Variants in BCKDHB observed in about 807,000 individuals in gnomAD.
BCKDHB encodes the protein branched chain keto acid dehydrogenase E1 subunit beta.
BCKDHB carries 41 observed loss-of-function variants against 48.5 expected under a neutral mutation model. The observed-to-expected ratio is 0.85, with a 90% CI of 0.66 to 1.10. BCKDHB has a LOEUF of 1.10. Among genes scored for constraint, BCKDHB ranks in the 50% least tolerant of loss-of-function variants. The pLI is 0.00. For missense variants in BCKDHB, 496 were observed against 494.2 expected (o/e 1.00, Z -0.03); for synonymous variants, 201 against 174.8 (o/e 1.15, Z -1.18).
chr6:80,392,112 C>T, the BCKDHB span, among the ~76,000 whole-genome samples: 1 of 152,118 alleles, frequency 6.6e-6, no homozygotes, highest in East Asian at 1.9e-4. Flanking sequence ...CCTGCCTCAG[C>T]CTCCTGGGTA....
At chr6:80,229,191 G>A (rs1360021429) in intron 8 of BCKDHB, among the ~76,000 whole-genome samples, 1 of 152,156 alleles carries the variant, frequency 6.6e-6, no homozygotes, top group East Asian at 1.9e-4. Context: ...ACTATTGCAG[G>A]AGGCAATCAG....
the BCKDHB span, among the ~76,000 whole-genome samples, chr6:80,422,580 C>G: frequency 1.3e-5 from 2 of 152,198 alleles, no homozygotes; most frequent in African/African-American, 4.8e-5. Context: ...TCTGTGGGGT[C>G]TGCAGAGACA....
chr6:80,181,023 C>G (rs987022450), intron 6 of BCKDHB, among the ~76,000 whole-genome samples: 22 of 152,060 alleles, frequency 1.4e-4, no homozygotes, highest in African/African-American at 5.3e-4. Flanking sequence ...TCACCAAATC[C>G]AAGCATCTTT....
chr6:80,134,833 A>C (rs114275457), intron 3 of BCKDHB, among the ~76,000 whole-genome samples: 1,906 of 152,008 alleles, frequency 0.013, 34 homozygotes, highest in African/African-American at 0.044. Flanking sequence ...GCTCACTGCA[A>C]CTTCCATTCC....
rs113526041 is a variant in BCKDHB at position 80,225,311 on chromosome 6, C to T, written c.951+22099C>T. On this transcript the variant is annotated intron_variant, in intron 8 of 9. Coordinates refer to ENST00000320393, the MANE Select transcript of BCKDHB (RefSeq NM_183050.4). ...TAGAAGGAGATATATACTTTCTATA[C>T]TTCTGTTTTGGAATACCTGAAAAGA... Among the ~76,000 whole-genome samples, 169 of 152,176 alleles carry T rather than the reference C, an allele frequency of 1.1e-3. 1 individual carries two copies. Among genetic ancestry groups the T allele is most frequent in the African/African-American group, 3.7e-3 (155 of 41,500 alleles).
At position 80,340,696 on chromosome 6, in the gene BCKDHB, C is replaced by T. The variant is rs1400549307; in HGVS notation, c.1039-2968C>T. On this transcript the variant is annotated intron_variant, in intron 9 of 9. Transcript: ENST00000320393. Reference sequence around the variant, plus strand: ...GGGCACATGGTTGCTATGGTTATGGCGTCATGTATTTATAATGGAGAGATA... The same window carrying T: ...GGGCACATGGTTGCTATGGTTATGGTGTCATGTATTTATAATGGAGAGATA... 2.0e-5 allele frequency among the ~76,000 whole-genome samples: 3 copies of T among 152,236 alleles called. No individual in the cohort carries two copies. In the East Asian group the frequency reaches 5.8e-4, roughly 29 times the overall value.
intron 9 of BCKDHB, among the ~76,000 whole-genome samples, chr6:80,338,037 AC>A (rs1769685993): frequency 6.6e-6 from 1 of 152,134 alleles, no homozygotes; most frequent in South Asian, 2.1e-4. Flanking sequence ...CTCACTTTGA[AC>A]TTTTCTTCAC....
intron 3 of BCKDHB, among the ~76,000 whole-genome samples, chr6:80,141,096 G>T (rs1345961939): frequency 3.9e-5 from 6 of 152,148 alleles, no homozygotes; most frequent in Non-Finnish European, 8.8e-5. Flanking sequence ...TTGCGTAGAG[G>T]TGTTTGTAGT....
At position 80,344,498 on chromosome 6, in the gene BCKDHB, A is replaced by G. The variant is rs1478635428; in HGVS notation, c.*694A>G. On this transcript the variant is annotated 3_prime_UTR_variant, in exon 10 of 10. Coordinates refer to ENST00000320393, the MANE Select transcript of BCKDHB (RefSeq NM_183050.4). ...GTAGCTGGGACTACAGGTGTGCACC[A>G]ACATGCCCAGCTAATTTTTTATATT... The G allele has an allele frequency of 6.6e-6, 1 of 152,618 alleles. No homozygotes were observed. The highest frequency in any genetic ancestry group is 2.4e-5 in the African/African-American group (1 of 41,408). 9.5% of individuals were successfully genotyped at this position (152,618 alleles called of 1,614,324 possible).
At chr6:80,424,749 G>A in the BCKDHB span, among the ~76,000 whole-genome samples, 1 of 152,126 alleles carries the variant, frequency 6.6e-6, no homozygotes, top group Non-Finnish European at 1.5e-5. Flanking sequence ...GTCAAATTGT[G>A]TATTGGACTA....
At chr6:80,390,500 A>G in the BCKDHB span, among the ~76,000 whole-genome samples, 1 of 152,230 alleles carries the variant, frequency 6.6e-6, no homozygotes, top group African/African-American at 2.4e-5. Flanking sequence ...TTGTGCATGT[A>G]TACACTTGTG....
At chr6:80,368,712 T>TA in the BCKDHB span, among the ~76,000 whole-genome samples, 59,972 of 149,078 alleles carry the variant, frequency 0.4, 13,523 homozygotes, top group Non-Finnish European at 0.53. Flanking sequence ...TACATGAACT[T>TA]AAAAAAAAAA....
At chr6:80,392,923 G>T in the BCKDHB span, among the ~76,000 whole-genome samples, 1 of 145,820 alleles carries the variant, frequency 6.9e-6, no homozygotes, top group East Asian at 2.0e-4. Flanking sequence ...ACTTATGCCG[G>T]CTTAAATAAC....
Position 80,232,187 on chromosome 6 carries a change from A to G in BCKDHB, c.951+28975A>G, listed in dbSNP as rs552377957. On this transcript the variant is annotated intron_variant, in intron 8 of 9. Transcript: ENST00000320393. ...TGGATATATCCTACCTGCTTATTATAGTGGCTCTTTTCTCCTTTACTGGTA... is the reference window on the plus strand; with the variant it reads ...TGGATATATCCTACCTGCTTATTATGGTGGCTCTTTTCTCCTTTACTGGTA... 3.1e-3 allele frequency among the ~76,000 whole-genome samples: 470 copies of G among 152,178 alleles called. 4 individuals carry two copies. Among genetic ancestry groups the G allele is most frequent in the African/African-American group, 0.011 (454 of 41,536 alleles).
chr6:80,241,793 C>T (rs1243377081), intron 8 of BCKDHB, among the ~76,000 whole-genome samples: 1 of 152,156 alleles, frequency 6.6e-6, no homozygotes, highest in East Asian at 1.9e-4. Flanking sequence ...CTGTTGTGAT[C>T]AATCTGATTG....
chr6:80,160,040 T>C (rs1772236227), intron 3 of BCKDHB, among the ~76,000 whole-genome samples: 1 of 152,264 alleles, frequency 6.6e-6, no homozygotes, highest in Non-Finnish European at 1.5e-5. Flanking sequence ...AGATCTACTT[T>C]GTTCATAGAT....
At chr6:80,220,247 A>G (rs1222835946) in intron 8 of BCKDHB, among the ~76,000 whole-genome samples, 1 of 147,086 alleles carries the variant, frequency 6.8e-6, no homozygotes, top group African/African-American at 2.5e-5. Context: ...TGAATATTTC[A>G]ATCTCATCAA....
At chr6:80,265,506 C>G (rs1426954122) in intron 8 of BCKDHB, among the ~76,000 whole-genome samples, 1 of 151,948 alleles carries the variant, frequency 6.6e-6, no homozygotes, top group Non-Finnish European at 1.5e-5. Context: ...CAGTCAGATT[C>G]ATAGAGACAG....
intron 1 of BCKDHB, among the ~76,000 whole-genome samples, chr6:80,107,376 C>G (rs139459650): frequency 7.0e-6 from 1 of 143,016 alleles, no homozygotes; most frequent in Non-Finnish European, 1.5e-5. Flanking sequence ...AAAATCAATT[C>G]AGTTACTCAG....
Sources: allele counts gnomAD v4.1 joint callset (sites outside exome capture counted in the v4.1 genomes callset), GRCh38; gene constraint gnomAD v4.1.1; transcripts MANE v1.5; gene names NCBI Gene and HGNC (gene_info 2026-07-23, HGNC 2026-07-21).